Variants in TMEM45A observed in about 807,000 individuals in gnomAD.
TMEM45A encodes the protein DNA polymerase-transactivated protein 4.
TMEM45A carries 25 observed loss-of-function variants against 32.0 expected under a neutral mutation model. The ratio of observed to expected loss-of-function variants is 0.78; its 90% CI spans 0.57 to 1.09. The LOEUF is 1.09. Ranked by LOEUF, TMEM45A falls within the 50% of genes least tolerant of loss-of-function variation. The pLI is 0.00. For missense variants in TMEM45A, 302 were observed against 325.0 expected, an observed-to-expected ratio of 0.93 and a Z score of 0.54; for synonymous variants, 122 against 114.8, an observed-to-expected ratio of 1.06 and a Z score of -0.40.
chr3:100,516,143 T>A (rs56779007), intron 1 of TMEM45A, among the ~76,000 whole-genome samples: 74,088 of 151,916 alleles, frequency 0.49, 20,428 homozygotes, highest in African/African-American at 0.76. Context: ...CAGTAAAAAA[T>A]GTTAAAAAGA....
intron 1 of TMEM45A, among the ~76,000 whole-genome samples, chr3:100,497,963 C>T (rs1223541987): frequency 4.6e-5 from 7 of 152,166 alleles, no homozygotes; most frequent in African/African-American, 1.4e-4. Flanking sequence ...TGTCCCCACC[C>T]AAACCTCATC....
chr3:100,508,105 G>A (rs1036216127), intron 1 of TMEM45A, among the ~76,000 whole-genome samples: 1 of 151,994 alleles, frequency 6.6e-6, no homozygotes, highest in African/African-American at 2.4e-5. Context: ...TGCAGGAAAA[G>A]GGAAGGGAGA....
chr3:100,548,999 G>C (rs1290966096), intron 1 of TMEM45A, among the ~76,000 whole-genome samples: 1 of 152,188 alleles, frequency 6.6e-6, no homozygotes, highest in Admixed American at 6.5e-5. Context: ...TGTAATCCCA[G>C]CACTTTGGGA....
At chr3:100,550,600 C>T (rs59281247) in intron 1 of TMEM45A, among the ~76,000 whole-genome samples, 54,859 of 152,018 alleles carry the variant, frequency 0.36, 10,703 homozygotes, top group Middle Eastern at 0.48. Context: ...AGAATTCCAC[C>T]AAGCAAACCA....
At chr3:100,571,523 C>T (rs1706559398) in intron 5 of TMEM45A, 1 of 152,052 alleles carries the variant, frequency 6.6e-6, no homozygotes, top group African/African-American at 2.4e-5. Flanking sequence ...ACATTCGATA[C>T]AATTTAAACT....
chr3:100,545,095 C>A (rs1048085134), intron 1 of TMEM45A, among the ~76,000 whole-genome samples: 2 of 152,324 alleles, frequency 1.3e-5, no homozygotes, highest in Non-Finnish European at 2.9e-5. Context: ...TCTCGAACAT[C>A]TTTTCATGTT....
At chr3:100,573,608 G>C (rs1053367220) in intron 5 of TMEM45A, 1 of 152,054 alleles carries the variant, frequency 6.6e-6, no homozygotes, top group African/African-American at 2.4e-5. Context: ...TCTCCTGCCT[G>C]ATTGCCCTGG....
rs1363192353 is a variant in TMEM45A, at chr3:100,574,172, T to C, written c.735-2753T>C. 2 of 152,300 alleles carry C rather than the reference T, an allele frequency of 1.3e-5. 1 individual carries two copies. The highest frequency in any genetic ancestry group is 4.1e-4 in the South Asian group (2 of 4,824). 9.4% of individuals were successfully genotyped at this position (152,300 alleles called of 1,614,324 possible). A position where few individuals can be genotyped will look rare whatever the true frequency, so the allele number is the denominator to read the frequency against. ...TTGATTGGAATAGTTTCAGAAGGAA[T>C]GGTACAAAAAACCTTTCAAAAAATT... is the stretch of plus-strand genomic sequence containing the variant. On this transcript the variant is annotated intron_variant, in intron 5 of 5. Transcript: ENST00000323523.
intron 1 of TMEM45A, among the ~76,000 whole-genome samples, chr3:100,534,374 C>T (rs571040337): frequency 1.2e-4 from 18 of 152,162 alleles, no homozygotes; most frequent in Admixed American, 2.0e-4. Context: ...CAGTGGTTCT[C>T]ATAAGGAGGG....
intron 1 of TMEM45A, among the ~76,000 whole-genome samples, chr3:100,548,753 T>C (rs572104150): frequency 6.6e-6 from 1 of 152,348 alleles, no homozygotes; most frequent in Admixed American, 6.5e-5. Flanking sequence ...GCTGTGTCTA[T>C]TCTGCAGTGG....
chr3:100,493,120 CTTTTTT>C (rs570241165), intron 1 of TMEM45A, among the ~76,000 whole-genome samples, 192 bp downstream of exon 1: 456 of 115,874 alleles, frequency 3.9e-3, no homozygotes, highest in Middle Eastern at 0.029. Context: ...GTTTGCTATT[CTTTTTT>C]TTTTTTTTTT....
chr3:100,558,051 T>C (rs1706258557), intron 3 of TMEM45A, among the ~76,000 whole-genome samples: 1 of 152,216 alleles, frequency 6.6e-6, no homozygotes. Context: ...TTTCATCTTA[T>C]GGAGATTCCA....
intron 4 of TMEM45A, among the ~76,000 whole-genome samples, chr3:100,563,421 C>A (rs1324268643): frequency 6.6e-6 from 1 of 152,214 alleles, no homozygotes; most frequent in Non-Finnish European, 1.5e-5. Flanking sequence ...TAACCCACTA[C>A]AAATGCTAAC....
chr3:100,516,355 T>G (rs911078808), intron 1 of TMEM45A, among the ~76,000 whole-genome samples: 3 of 152,226 alleles, frequency 2.0e-5, no homozygotes, highest in African/African-American at 7.2e-5. Context: ...TAGTGACTTA[T>G]GTTTTGTGGT....
chr3:100,561,130 G>T (rs749887095), intron 4 of TMEM45A, among the ~76,000 whole-genome samples: 1 of 152,094 alleles, frequency 6.6e-6, no homozygotes, highest in East Asian at 1.9e-4. Flanking sequence ...GGAAATGAAG[G>T]TTTAGCCATA....
intron 1 of TMEM45A, among the ~76,000 whole-genome samples, chr3:100,552,201 A>G (rs748142685): frequency 3.9e-5 from 6 of 152,074 alleles, no homozygotes; most frequent in Non-Finnish European, 8.8e-5. Context: ...TTCTTTTTTA[A>G]TATACTAACA....
intron 1 of TMEM45A, among the ~76,000 whole-genome samples, chr3:100,506,573 T>C (rs1708083063): frequency 6.6e-6 from 1 of 152,186 alleles, no homozygotes; most frequent in East Asian, 1.9e-4. Flanking sequence ...CCATGGTCTG[T>C]GTTGATATTT....
intron 1 of TMEM45A, among the ~76,000 whole-genome samples, chr3:100,513,379 T>C (rs1708202142): frequency 6.6e-6 from 1 of 151,476 alleles, no homozygotes; most frequent in Non-Finnish European, 1.5e-5. Context: ...AAAAACCACA[T>C]GATTATCTCA....
intron 1 of TMEM45A, among the ~76,000 whole-genome samples, chr3:100,525,635 G>A (rs1705528140): frequency 6.6e-6 from 1 of 152,226 alleles, no homozygotes; most frequent in Non-Finnish European, 1.5e-5. Context: ...CCTTGAGGGA[G>A]GCTCTTCCCA....
Sources: allele counts gnomAD v4.1 joint callset (sites outside exome capture counted in the v4.1 genomes callset), GRCh38; gene constraint gnomAD v4.1.1; transcripts MANE v1.5; gene names NCBI Gene and HGNC (gene_info 2026-07-23, HGNC 2026-07-21).